The following ZC2HC1B variants were observed in gnomAD, a reference collection of about 807,000 sequenced individuals.
ZC2HC1B encodes zinc finger C2HC-type containing 1B, also known as zinc finger C2HC domain-containing protein 1B.
In ZC2HC1B, 36 loss-of-function variants were observed where a neutral mutation model predicts 31.0. That is an observed-to-expected ratio of 1.16 (90% CI 0.89 to 1.54). The LOEUF (loss-of-function observed/expected upper bound fraction) is 1.54. Among genes scored for constraint, ZC2HC1B ranks in the 40% most tolerant of loss-of-function variants. The pLI is 0.00. For missense variants in ZC2HC1B, 260 were observed against 268.6 expected (o/e 0.97, Z 0.22); for synonymous variants, 73 against 88.0 (o/e 0.83, Z 0.95).
At position 143,902,095 on chromosome 6, in the gene ZC2HC1B, G is replaced by A. The variant is rs1022744859; in HGVS notation, c.490-949G>A. Reference sequence around the variant, plus strand: ...TTTTCCAGAGCTGAGTGGTGATTGCGAACACAGAAGAAAAATTGCTTGCTT... The same window carrying A: ...TTTTCCAGAGCTGAGTGGTGATTGCAAACACAGAAGAAAAATTGCTTGCTT... On this transcript the variant is annotated intron_variant, in intron 5 of 7. Coordinates refer to ENST00000237275, the MANE Select transcript of ZC2HC1B (RefSeq NM_001013623.3). Among the ~76,000 whole-genome samples, 83 of 152,092 alleles carry A rather than the reference G, an allele frequency of 5.5e-4. 1 individual carries two copies. The highest frequency in any genetic ancestry group is 2.9e-4 in the African/African-American group (12 of 41,428).
chr6:143,935,215 T>G (rs951137987), intron 6 of ZC2HC1B, among the ~76,000 whole-genome samples: 6 of 152,020 alleles, frequency 3.9e-5, no homozygotes, highest in Non-Finnish European at 7.4e-5. Flanking sequence ...CTCAGGCACC[T>G]GGTAGGGGTG....
chr6:143,871,968 C>T lies in ZC2HC1B; in HGVS notation c.28+7401C>T, dbSNP rs1032337764. Reference sequence around the variant, plus strand: ...ATTACCTGACCTCCATAAGCCCGTACGTTAACTGGAGGACCATAATGACGT... The same window carrying T: ...ATTACCTGACCTCCATAAGCCCGTATGTTAACTGGAGGACCATAATGACGT... On this transcript the variant is annotated intron_variant, in intron 1 of 7. Transcript: ENST00000237275. This position sits in a 1 kb window ranked among gnomAD's most constrained non-coding sequence, Gnocchi z 4.1. 5.9e-5 allele frequency among the ~76,000 whole-genome samples: 9 copies of T among 152,100 alleles called. No homozygotes were observed. Among genetic ancestry groups the T allele is most frequent in the East Asian group, 1.9e-4 (1 of 5,184 alleles).
At chr6:143,893,155 G>A (rs2128494482) in intron 4 of ZC2HC1B, among the ~76,000 whole-genome samples, 2 of 152,156 alleles carry the variant, frequency 1.3e-5, no homozygotes, top group Admixed American at 1.3e-4. Flanking sequence ...AGATTTATTT[G>A]AACAGACACA....
At chr6:143,919,217 C>CTGTGTGTGTG (rs71024878) in intron 6 of ZC2HC1B, among the ~76,000 whole-genome samples, 80 of 123,696 alleles carry the variant, frequency 6.5e-4, no homozygotes, top group East Asian at 5.8e-3. Context: ...TTGCTATTCT[C>CTGTGTGTGTG]TGTGTGTGTG....
intron 1 of ZC2HC1B, chr6:143,881,563 A>G (rs1179475874): frequency 1.3e-5 from 2 of 152,136 alleles, no homozygotes; most frequent in Admixed American, 1.3e-4. Flanking sequence ...AAAAAAAAAA[A>G]AAAAAAAAAA....
intron 1 of ZC2HC1B, among the ~76,000 whole-genome samples, chr6:143,875,276 A>G (rs908880793): frequency 6.6e-6 from 1 of 152,302 alleles, no homozygotes; most frequent in South Asian, 2.1e-4. Flanking sequence ...GCCTTGGTCA[A>G]GGGTATATTT....
In ZC2HC1B at chr6:143,868,624, T is replaced by C. The variant is rs1202797237; in HGVS notation, c.28+4057T>C. 6.6e-6 allele frequency among the ~76,000 whole-genome samples: 1 copy of C among 152,224 alleles called. No individual in the cohort carries two copies. Among genetic ancestry groups the C allele is most frequent in the African/African-American group, 2.4e-5 (1 of 41,456 alleles). ...CAGACACACCCAGGATCAATAACTT[T>C]GCATCCTTCTTTCCAATCAGGTTGA... On this transcript the variant is annotated intron_variant, in intron 1 of 7. Coordinates refer to ENST00000237275, the MANE Select transcript of ZC2HC1B (RefSeq NM_001013623.3). This position sits in a 1 kb window ranked among gnomAD's most constrained non-coding sequence, Gnocchi z 4.2.
chr6:143,891,693 C>CAA (rs61241733), intron 4 of ZC2HC1B, among the ~76,000 whole-genome samples: 20 of 66,892 alleles, frequency 3.0e-4, no homozygotes, highest in African/African-American at 8.4e-4. Flanking sequence ...AACTCTGTCT[C>CAA]AAAAAAAAAA....
intron 6 of ZC2HC1B, among the ~76,000 whole-genome samples, chr6:143,926,000 T>A (rs1778036645): frequency 6.6e-6 from 1 of 152,190 alleles, no homozygotes; most frequent in African/African-American, 2.4e-5. Flanking sequence ...CTAATTCACA[T>A]CCTCTCTCTT....
intron 6 of ZC2HC1B, among the ~76,000 whole-genome samples, chr6:143,906,749 T>C (rs1219473061): frequency 3.0e-5 from 1 of 33,752 alleles, no homozygotes; most frequent in Admixed American, 2.8e-4. Context: ...CAGCCCCTCT[T>C]TTTTTTTTTT....
chr6:143,930,007 G>A (rs1056407513), intron 6 of ZC2HC1B, among the ~76,000 whole-genome samples: 4 of 151,958 alleles, frequency 2.6e-5, no homozygotes, highest in African/African-American at 9.7e-5. Context: ...TGACCTAGTG[G>A]TCTACCAATC....
chr6:143,889,982 A>G (rs1013358307), intron 4 of ZC2HC1B, among the ~76,000 whole-genome samples: 2 of 152,196 alleles, frequency 1.3e-5, no homozygotes, highest in African/African-American at 2.4e-5. Context: ...ATAGAATTAA[A>G]TTAGAAATGT....
chr6:143,882,340 A>ATATATATATATATATATTT (rs1777479556), intron 1 of ZC2HC1B, among the ~76,000 whole-genome samples: 1 of 130,622 alleles, frequency 7.7e-6, no homozygotes, highest in Admixed American at 7.4e-5. Context: ...TTTTTTATAT[A>ATATATATATATATATATTT]TATATATATA....
chr6:143,883,400 C>T lies in ZC2HC1B; in HGVS notation c.29-904C>T, dbSNP rs1777493086. Among the ~76,000 whole-genome samples, 1 of 152,288 alleles carries T rather than the reference C, an allele frequency of 6.6e-6. No individual in the cohort carries two copies. The highest frequency in any genetic ancestry group is 3.4e-3 in the Middle Eastern group (1 of 294). On this transcript the variant is annotated intron_variant, in intron 1 of 7. Transcript: ENST00000237275. The surrounding 1 kb of genome is among the most constrained non-coding windows in gnomAD (Gnocchi z 4.1). ...CACTATACTCGCAATCCATTTGCCC[C>T]TTCTTGCCTTTCTCACATCTATCTT...
chr6:143,935,416 T>A (rs984193947), intron 6 of ZC2HC1B, among the ~76,000 whole-genome samples: 1 of 151,900 alleles, frequency 6.6e-6, no homozygotes, highest in Non-Finnish European at 1.5e-5. Flanking sequence ...TCCCAGTCAG[T>A]GTCCATTGGT....
rs141320415 is a variant in ZC2HC1B at position 143,865,383 on chromosome 6, C to A, written c.28+816C>A. Among the ~76,000 whole-genome samples the A allele has an allele frequency of 6.6e-6, 1 of 152,226 alleles. No individual in the cohort carries two copies. The highest frequency in any genetic ancestry group is 2.4e-5 in the African/African-American group (1 of 41,540). On this transcript the variant is annotated intron_variant, in intron 1 of 7. Transcript: ENST00000237275. The surrounding 1 kb of genome is among the most constrained non-coding windows in gnomAD (Gnocchi z 4.4). Reference sequence around the variant, plus strand: ...TTAGAATCTTGGTACTTGCTGTTCCCCCAGAAGTGCTTTCACTGCAGACAG... The same window carrying A: ...TTAGAATCTTGGTACTTGCTGTTCCACCAGAAGTGCTTTCACTGCAGACAG...
At chr6:143,888,222 A>G (rs983900789) in intron 4 of ZC2HC1B, among the ~76,000 whole-genome samples, 12 of 151,980 alleles carry the variant, frequency 7.9e-5, no homozygotes, top group African/African-American at 2.9e-4. Flanking sequence ...ATGTTTGAGG[A>G]TTTATTCCTG....
intron 6 of ZC2HC1B, among the ~76,000 whole-genome samples, chr6:143,916,952 A>G (rs1267188556): frequency 6.6e-6 from 1 of 152,184 alleles, no homozygotes; most frequent in Non-Finnish European, 1.5e-5. Context: ...TTGGGAAGGC[A>G]TGATTGGTTT....
At chr6:143,920,278 A>G (rs1420530295) in intron 6 of ZC2HC1B, among the ~76,000 whole-genome samples, 1 of 152,198 alleles carries the variant, frequency 6.6e-6, no homozygotes, top group Admixed American at 6.5e-5. Context: ...GTCTAGAACC[A>G]TTGAGCTCTT....
Sources: gnomAD v4.1 joint callset for allele counts (sites outside exome capture counted in the v4.1 genomes callset) on GRCh38, gnomAD v4.1.1 for gene constraint, Gnocchi (gnomAD v3.1) non-coding constraint, MANE v1.5 for transcripts, NCBI Gene and HGNC (gene_info 2026-07-23, HGNC 2026-07-21) for gene names.